DIS3L2: variants seen among roughly 807,000 people sequenced by gnomAD.
DIS3L2 encodes the protein DIS3-like exonuclease 2.
Under a neutral mutation model 97.5 loss-of-function variants are expected in DIS3L2, and 34 were observed. The ratio of observed to expected loss-of-function variants is 0.35; its 90% CI spans 0.27 to 0.46. The LOEUF (loss-of-function observed/expected upper bound fraction) is 0.46. DIS3L2 is among the 20% of genes least tolerant of loss of function. The pLI is 1.00. For synonymous variants in DIS3L2, 435 were observed against 445.2 expected, an observed-to-expected ratio of 0.98 and a Z score of 0.29; for missense variants, 1,038 against 1,146.0, an observed-to-expected ratio of 0.91 and a Z score of 1.36.
intron 12 of DIS3L2, chr2:232,259,912 A>T (rs1376403912): frequency 1.3e-5 from 2 of 152,260 alleles, no homozygotes; most frequent in Admixed American, 1.3e-4. Flanking sequence ...GATTGCAGGC[A>T]TGAGCCACCG....
At chr2:232,108,246 C>T (rs1367025106) in intron 6 of DIS3L2, among the ~76,000 whole-genome samples, 1 of 152,112 alleles carries the variant, frequency 6.6e-6, no homozygotes, top group Non-Finnish European at 1.5e-5. Context: ...TGTGATTCAT[C>T]AGATAAAGAG....
intron 13 of DIS3L2, among the ~76,000 whole-genome samples, chr2:232,287,339 A>G (rs1694461510): frequency 6.6e-6 from 1 of 150,404 alleles, no homozygotes; most frequent in African/African-American, 2.5e-5. Context: ...AGCATTACAA[A>G]TAGAAAGTTT....
intron 11 of DIS3L2, among the ~76,000 whole-genome samples, chr2:232,241,569 T>C (rs1323718926): frequency 6.6e-6 from 1 of 152,252 alleles, no homozygotes; most frequent in Non-Finnish European, 1.5e-5. Flanking sequence ...TAATAAGTAT[T>C]TGGTTATTCT....
chr2:232,321,559 G>T (rs1047819319), intron 14 of DIS3L2, among the ~76,000 whole-genome samples: 3 of 152,178 alleles, frequency 2.0e-5, no homozygotes, highest in African/African-American at 2.4e-5. Context: ...CGTCTCTGTG[G>T]GGGGTGGGAG....
chr2:232,014,418 G>A (rs561149443), intron 1 of DIS3L2, among the ~76,000 whole-genome samples: 4 of 152,300 alleles, frequency 2.6e-5, no homozygotes, highest in African/African-American at 4.8e-5. Flanking sequence ...TCATTTGTCC[G>A]GAGTTGGACT....
intron 3 of DIS3L2, among the ~76,000 whole-genome samples, chr2:232,023,796 T>C (rs1211705176): frequency 6.6e-6 from 1 of 152,122 alleles, no homozygotes; most frequent in Non-Finnish European, 1.5e-5. Context: ...ATGCATCCAG[T>C]TTCATAAGGC....
At chr2:232,033,681 GTGTTGAATTT>G (rs1288475833) in intron 5 of DIS3L2, among the ~76,000 whole-genome samples, 1 of 152,066 alleles carries the variant, frequency 6.6e-6, no homozygotes, top group Non-Finnish European at 1.5e-5. Flanking sequence ...GCATAAAGGG[GTGTTGAATTT>G]TGTCAAAGGC....
At chr2:232,221,767 C>T (rs573870163) in intron 10 of DIS3L2, among the ~76,000 whole-genome samples, 106 of 152,130 alleles carry the variant, frequency 7.0e-4, no homozygotes, top group African/African-American at 2.4e-3. Context: ...CACCAGTGTA[C>T]TCCAGCCGGG....
intron 14 of DIS3L2, among the ~76,000 whole-genome samples, chr2:232,327,640 G>C (rs982796471): frequency 7.2e-5 from 11 of 152,230 alleles, no homozygotes; most frequent in African/African-American, 2.7e-4. Context: ...GCACCAGACA[G>C]TGATACAGGT....
At chr2:231,994,507 A>G (rs901026699) in intron 1 of DIS3L2, among the ~76,000 whole-genome samples, 2 of 152,174 alleles carry the variant, frequency 1.3e-5, no homozygotes, top group Admixed American at 1.3e-4. Context: ...ACTAGTGTCA[A>G]CAGCTTACCA....
At chr2:231,964,212 T>A (rs1692645520) in intron 1 of DIS3L2, among the ~76,000 whole-genome samples, 1 of 152,208 alleles carries the variant, frequency 6.6e-6, no homozygotes, top group Non-Finnish European at 1.5e-5. Context: ...GAGTTTTCTG[T>A]TCTGTTCCAT....
intron 13 of DIS3L2, among the ~76,000 whole-genome samples, chr2:232,272,186 T>G (rs1559186013): frequency 1.3e-5 from 2 of 152,196 alleles, no homozygotes; most frequent in South Asian, 2.1e-4. Context: ...CAGGTTGCAT[T>G]ATTCTGGAAG....
chr2:232,036,575 C>T (rs1308696582), intron 5 of DIS3L2, among the ~76,000 whole-genome samples: 1 of 152,148 alleles, frequency 6.6e-6, no homozygotes, highest in Non-Finnish European at 1.5e-5. Context: ...GGCAAGGAGT[C>T]GTGATCCTTT....
chr2:232,196,820 A>C (rs562689009), intron 9 of DIS3L2, among the ~76,000 whole-genome samples: 1 of 151,714 alleles, frequency 6.6e-6, no homozygotes, highest in Non-Finnish European at 1.5e-5. Flanking sequence ...CATAACAATC[A>C]TACAGTTGTG....
chr2:232,218,197 CTG>C (rs1292721287), intron 10 of DIS3L2, among the ~76,000 whole-genome samples: 3 of 152,136 alleles, frequency 2.0e-5, no homozygotes, highest in African/African-American at 7.2e-5. Flanking sequence ...TAACAAAAGA[CTG>C]TAATAAGGGC....
chr2:232,095,743 A>G (rs1303695166), intron 6 of DIS3L2, among the ~76,000 whole-genome samples: 1 of 152,148 alleles, frequency 6.6e-6, no homozygotes, highest in Non-Finnish European at 1.5e-5. Flanking sequence ...CTTCTAGGAC[A>G]AGTCTGGTGT....
intron 14 of DIS3L2, among the ~76,000 whole-genome samples, chr2:232,327,335 C>T (rs58232069): frequency 0.041 from 6,294 of 152,304 alleles, 176 homozygotes; most frequent in African/African-American, 0.069. Context: ...CTACACTTGT[C>T]CCTCTTCCGG....
intron 6 of DIS3L2, among the ~76,000 whole-genome samples, chr2:232,092,541 GTC>G (rs1304598070): frequency 6.6e-6 from 1 of 151,988 alleles, no homozygotes; most frequent in African/African-American, 2.4e-5. Context: ...AATGTGAAAT[GTC>G]TTTAAACATT....
chr2:232,085,081 A>G (rs1233698343), intron 5 of DIS3L2, among the ~76,000 whole-genome samples: 2 of 152,202 alleles, frequency 1.3e-5, no homozygotes, highest in Admixed American at 6.5e-5. Context: ...TTTAATTAGA[A>G]CATTAGACCT....
Sources: gnomAD v4.1 joint callset for allele counts (sites outside exome capture counted in the v4.1 genomes callset) on GRCh38, gnomAD v4.1.1 for gene constraint, MANE v1.5 for transcripts, NCBI Gene and HGNC (gene_info 2026-07-23, HGNC 2026-07-21) for gene names.